Variants in PTPRM observed in about 807,000 individuals in gnomAD.
PTPRM encodes receptor-type tyrosine-protein phosphatase mu.
PTPRM carries 47 observed loss-of-function variants against 186.7 expected under a neutral mutation model. The ratio of observed to expected loss-of-function variants is 0.25; its 90% CI spans 0.20 to 0.32. PTPRM has a LOEUF of 0.32. Ranked by LOEUF, PTPRM falls within the 10% of genes least tolerant of loss-of-function variation. The pLI is 1.00. For synonymous variants in PTPRM, 668 were observed against 674.9 expected, an observed-to-expected ratio of 0.99 and a Z score of 0.16; for missense variants, 1,494 against 1,865.0, an observed-to-expected ratio of 0.80 and a Z score of 3.66.
chr18:8,140,062 C>A (rs1056916559), intron 13 of PTPRM, among the ~76,000 whole-genome samples: 4 of 152,174 alleles, frequency 2.6e-5, no homozygotes, highest in Admixed American at 2.0e-4. Context: ...CACCACCGTG[C>A]AAAGTTCTGC....
rs145411571 is a variant in PTPRM, at chr18:7,884,650, C to T, written c.197-3456C>T. Reference sequence around the variant, plus strand: ...AAAATAGCAGATCTTAGGCCAGGTGCGGTGGCTCTTGCCTGTAATCCCAGC... The same window carrying T: ...AAAATAGCAGATCTTAGGCCAGGTGTGGTGGCTCTTGCCTGTAATCCCAGC... On this transcript the variant is annotated intron_variant, in intron 2 of 32. Coordinates refer to ENST00000580170, the MANE Select transcript of PTPRM (RefSeq NM_001105244.2). Among the ~76,000 whole-genome samples the T allele has an allele frequency of 7.1e-3, 1,084 of 152,172 alleles. 7 individuals are homozygous for T. Among genetic ancestry groups the T allele is most frequent in the African/African-American group, 0.025 (1,048 of 41,512 alleles).
At chr18:7,724,984 T>G (rs776777710) in intron 1 of PTPRM, among the ~76,000 whole-genome samples, 42 of 152,136 alleles carry the variant, frequency 2.8e-4, no homozygotes, top group Non-Finnish European at 5.3e-4. Flanking sequence ...CAGATGCAAA[T>G]GGTTTATTTG....
intron 2 of PTPRM, among the ~76,000 whole-genome samples, chr18:7,826,923 G>A (rs1287206874): frequency 9.9e-5 from 15 of 151,926 alleles, no homozygotes; most frequent in African/African-American, 2.7e-4. Context: ...GTTATATCCC[G>A]TCTCTACAGA....
At chr18:7,652,457 T>C (rs1427782586) in intron 1 of PTPRM, among the ~76,000 whole-genome samples, 4 of 152,096 alleles carry the variant, frequency 2.6e-5, no homozygotes, top group Non-Finnish European at 5.9e-5. Context: ...TGCAAACGTA[T>C]GTTTATTGCG....
At chr18:7,651,584 C>T (rs1337437053) in intron 1 of PTPRM, among the ~76,000 whole-genome samples, 1 of 151,900 alleles carries the variant, frequency 6.6e-6, no homozygotes, top group African/African-American at 2.4e-5. Flanking sequence ...ACAGAGCCCT[C>T]AGAAATAATG....
chr18:8,370,749 C>CA (rs1215906862), intron 23 of PTPRM, 141 bp from the exon 24 acceptor site: 1 of 531,894 alleles, frequency 1.9e-6, no homozygotes, highest in Non-Finnish European at 3.3e-6. Context: ...AGGTGATCTA[C>CA]AAAAAATAGA....
chr18:7,702,170 T>C (rs1357293302), intron 1 of PTPRM, among the ~76,000 whole-genome samples: 1 of 152,256 alleles, frequency 6.6e-6, no homozygotes, highest in Non-Finnish European at 1.5e-5. Context: ...TGTGTCTTTA[T>C]AGTAGAATGA....
chr18:8,045,542 G>A (rs1200532067), intron 7 of PTPRM, among the ~76,000 whole-genome samples: 1 of 152,198 alleles, frequency 6.6e-6, no homozygotes, highest in Non-Finnish European at 1.5e-5. Flanking sequence ...GGAACATTGT[G>A]CTGAGTAAAA....
chr18:8,093,224 T>G (rs897016187), intron 11 of PTPRM, among the ~76,000 whole-genome samples: 1 of 152,046 alleles, frequency 6.6e-6, no homozygotes, highest in Non-Finnish European at 1.5e-5. Flanking sequence ...TTCCTAGACA[T>G]CCTATTCTCT....
intron 1 of PTPRM, among the ~76,000 whole-genome samples, chr18:7,768,867 A>C (rs1199698736): frequency 6.6e-6 from 1 of 151,998 alleles, no homozygotes; most frequent in African/African-American, 2.4e-5. Context: ...GCTAGTCTTG[A>C]ATTCCCGATC....
At chr18:7,976,168 A>AAAAAAAT (rs1054069678) in intron 7 of PTPRM, among the ~76,000 whole-genome samples, 1 of 152,290 alleles carries the variant, frequency 6.6e-6, no homozygotes, top group South Asian at 2.1e-4. Context: ...ACTCCGTCTC[A>AAAAAAAT]AAAAAATAAA....
intron 13 of PTPRM, among the ~76,000 whole-genome samples, chr18:8,139,547 A>G (rs932938426): frequency 6.6e-6 from 1 of 152,236 alleles, no homozygotes; most frequent in African/African-American, 2.4e-5. Flanking sequence ...CTTCTCAAGC[A>G]GAGAGAGTCC....
chr18:7,874,411 T>G (rs1368831049), intron 2 of PTPRM, among the ~76,000 whole-genome samples: 1 of 152,212 alleles, frequency 6.6e-6, no homozygotes, highest in Non-Finnish European at 1.5e-5. Context: ...TGTTTTTATA[T>G]TCTGAGAGCT....
At chr18:7,730,308 T>A (rs948714385) in intron 1 of PTPRM, among the ~76,000 whole-genome samples, 2 of 152,226 alleles carry the variant, frequency 1.3e-5, no homozygotes, top group African/African-American at 4.8e-5. Context: ...TAAATTGTTG[T>A]CTGACACTGT....
intron 2 of PTPRM, among the ~76,000 whole-genome samples, chr18:7,843,988 C>G (rs1443615): frequency 0.091 from 13,818 of 152,140 alleles, 1,711 homozygotes; most frequent in African/African-American, 0.28. Flanking sequence ...TGGGATTCCT[C>G]ACAACATGAT....
intron 1 of PTPRM, among the ~76,000 whole-genome samples, chr18:7,730,663 A>G: frequency 6.6e-6 from 1 of 152,194 alleles, no homozygotes; most frequent in East Asian, 1.9e-4. Flanking sequence ...AAATTTCTAT[A>G]CCAGTGCCTC....
chr18:7,864,432 A>G (rs1599140360), intron 2 of PTPRM, among the ~76,000 whole-genome samples: 1 of 152,206 alleles, frequency 6.6e-6, no homozygotes, highest in Non-Finnish European at 1.5e-5. Context: ...CAGTTTCCCC[A>G]ACACCATTTA....
intron 2 of PTPRM, among the ~76,000 whole-genome samples, chr18:7,870,655 A>C: frequency 6.6e-6 from 1 of 152,212 alleles, no homozygotes; most frequent in South Asian, 2.1e-4. Flanking sequence ...ATCAATAAAA[A>C]ATCTGATAGA....
intron 7 of PTPRM, among the ~76,000 whole-genome samples, chr18:8,052,731 T>C (rs2087599456): frequency 6.6e-6 from 1 of 152,228 alleles, no homozygotes; most frequent in Non-Finnish European, 1.5e-5. Context: ...GATTGTATTC[T>C]AAGGTTAGCT....
Sources: allele counts gnomAD v4.1 joint callset (sites outside exome capture counted in the v4.1 genomes callset), GRCh38; gene constraint gnomAD v4.1.1; transcripts MANE v1.5; gene names NCBI Gene and HGNC (gene_info 2026-07-23, HGNC 2026-07-21).